Variants in ATP2B2 observed in about 807,000 individuals in gnomAD.
The protein encoded by ATP2B2 is ATPase plasma membrane Ca2+ transporting 2.
In ATP2B2, 15 loss-of-function variants were observed where a neutral mutation model predicts 120.0. The ratio of observed to expected loss-of-function variants is 0.12; its 90% confidence interval spans 0.08 to 0.19. ATP2B2 has a LOEUF of 0.19. Ranked by LOEUF, ATP2B2 falls within the 10% of genes least tolerant of loss-of-function variation. The pLI is 1.00. For synonymous variants in ATP2B2, 694 were observed against 700.3 expected (o/e 0.99, Z 0.14); for missense variants, 1,045 against 1,719.8 (o/e 0.61, Z 6.94).
At chr3:10,409,580 T>G (rs1344933625) in intron 3 of ATP2B2, among the ~76,000 whole-genome samples, 1 of 152,160 alleles carries the variant, frequency 6.6e-6, no homozygotes, top group Admixed American at 6.5e-5. Context: ...ATGTATCTCT[T>G]GTGTCTTTAA....
intron 1 of ATP2B2, among the ~76,000 whole-genome samples, chr3:10,633,379 C>T (rs1245537949): frequency 1.3e-4 from 20 of 152,186 alleles, no homozygotes. Flanking sequence ...GGATTTGCCG[C>T]TCCTTCCCAG....
intron 1 of ATP2B2, among the ~76,000 whole-genome samples, chr3:10,637,734 GA>G (rs2070063070): frequency 6.6e-6 from 1 of 152,102 alleles, no homozygotes; most frequent in Admixed American, 6.5e-5. Flanking sequence ...AAACATTTGA[GA>G]AATAATGGCT....
At chr3:10,362,163 C>T (rs1035979477) in intron 12 of ATP2B2, among the ~76,000 whole-genome samples, 3 of 152,174 alleles carry the variant, frequency 2.0e-5, no homozygotes, top group Non-Finnish European at 2.9e-5. Flanking sequence ...CCTGTGTCCC[C>T]CTGAAGTACC....
intron 1 of ATP2B2, among the ~76,000 whole-genome samples, chr3:10,630,065 C>T (rs1420814984): frequency 2.0e-5 from 3 of 152,238 alleles, no homozygotes; most frequent in Non-Finnish European, 4.4e-5. Flanking sequence ...TGCTCTTCGC[C>T]TGCTGATTTG....
chr3:10,642,100 A>G (rs936152268), intron 1 of ATP2B2, among the ~76,000 whole-genome samples: 4 of 152,102 alleles, frequency 2.6e-5, no homozygotes, highest in Admixed American at 1.3e-4. Context: ...ATACTGTTGT[A>G]GTTAAGAGCA....
intron 2 of ATP2B2, among the ~76,000 whole-genome samples, chr3:10,429,553 T>C (rs976311740): frequency 2.0e-5 from 3 of 152,240 alleles, no homozygotes; most frequent in Non-Finnish European, 4.4e-5. Context: ...TCAGTCAATG[T>C]TGCATGCATT....
intron 2 of ATP2B2, among the ~76,000 whole-genome samples, chr3:10,603,210 A>G (rs1045822362): frequency 2.0e-5 from 3 of 152,214 alleles, no homozygotes; most frequent in Admixed American, 6.5e-5. Flanking sequence ...GTAAGAAAAT[A>G]ATGACTTCAT....
At chr3:10,487,275 C>A (rs995802892) in intron 1 of ATP2B2, among the ~76,000 whole-genome samples, 1 of 151,994 alleles carries the variant, frequency 6.6e-6, no homozygotes, top group Non-Finnish European at 1.5e-5. Flanking sequence ...TACAGAGAGA[C>A]ACACACACAC....
intron 1 of ATP2B2, among the ~76,000 whole-genome samples, chr3:10,495,694 C>T (rs963646086): frequency 7.2e-5 from 11 of 152,188 alleles, no homozygotes; most frequent in Admixed American, 6.5e-4. Context: ...CCCTGGGTCC[C>T]AGTGCCAGGT....
intron 2 of ATP2B2, among the ~76,000 whole-genome samples, chr3:10,572,731 A>G (rs974698131): frequency 6.6e-6 from 1 of 152,172 alleles, no homozygotes; most frequent in African/African-American, 2.4e-5. Flanking sequence ...ATTCATATTA[A>G]TGGGTTGAAG....
At chr3:10,517,379 C>T (rs1401682153) in intron 3 of ATP2B2, among the ~76,000 whole-genome samples, 4 of 152,182 alleles carry the variant, frequency 2.6e-5, no homozygotes, top group African/African-American at 7.2e-5. Flanking sequence ...GGGTCCTGGT[C>T]CCAGGGATGC....
At chr3:10,603,633 G>T (rs2068983716) in intron 2 of ATP2B2, among the ~76,000 whole-genome samples, 1 of 152,056 alleles carries the variant, frequency 6.6e-6, no homozygotes, top group Non-Finnish European at 1.5e-5. Context: ...TACTGATGTG[G>T]TTACTGTGGG....
rs1464738481 is a variant in ATP2B2, at chr3:10,327,768, A to C, written c.*1046T>G. The C allele has an allele frequency of 6.6e-6, 1 of 152,646 alleles. No homozygotes were observed. Among genetic ancestry groups the C allele is most frequent in the Non-Finnish European group, 1.5e-5 (1 of 68,048 alleles). The allele number at this position is 152,646 out of a possible 1,614,324, so 9.5% of individuals were successfully genotyped here. ...CTTCTCTCCTCCTCTCCCTTCGTCT[A>C]CGGAGCATGTTGTTAAACCCCTCAG... On this transcript the variant is annotated 3_prime_UTR_variant, in exon 23 of 23. Transcript: ENST00000360273.
At chr3:10,569,414 G>A (rs892364921) in intron 2 of ATP2B2, among the ~76,000 whole-genome samples, 1 of 152,202 alleles carries the variant, frequency 6.6e-6, no homozygotes, top group Non-Finnish European at 1.5e-5. Context: ...GGAAGTGCTA[G>A]AAATAGGATT....
At chr3:10,671,556 T>C (rs890832632) in intron 1 of ATP2B2, among the ~76,000 whole-genome samples, 4 of 152,098 alleles carry the variant, frequency 2.6e-5, no homozygotes, top group Non-Finnish European at 4.4e-5. Flanking sequence ...TGAGAGTCTT[T>C]ATTTATGGAA....
chr3:10,417,066 C>CGGGGG (rs201363749), intron 2 of ATP2B2, among the ~76,000 whole-genome samples: 14 of 38,094 alleles, frequency 3.7e-4, no homozygotes, highest in African/African-American at 3.0e-3. Flanking sequence ...TCCCAGACGG[C>CGGGGG]GGCGGGGGGG....
chr3:10,622,672 C>T (rs763230582), intron 1 of ATP2B2, among the ~76,000 whole-genome samples: 14 of 152,194 alleles, frequency 9.2e-5, no homozygotes, highest in Non-Finnish European at 1.9e-4. Flanking sequence ...CCGCACTTCT[C>T]ACCCTGGATC....
At chr3:10,643,012 C>G (rs1446732061) in intron 1 of ATP2B2, among the ~76,000 whole-genome samples, 1 of 152,092 alleles carries the variant, frequency 6.6e-6, no homozygotes, top group Non-Finnish European at 1.5e-5. Flanking sequence ...CAGGATGAGC[C>G]AGGAACATCT....
At chr3:10,591,760 G>A (rs1039986761) in intron 2 of ATP2B2, among the ~76,000 whole-genome samples, 1 of 152,166 alleles carries the variant, frequency 6.6e-6, no homozygotes, top group African/African-American at 2.4e-5. Flanking sequence ...CACCAAATTG[G>A]TCCGATCCCA....
Sources: gnomAD v4.1 joint callset for allele counts (sites outside exome capture counted in the v4.1 genomes callset) on GRCh38, gnomAD v4.1.1 for gene constraint, MANE v1.5 for transcripts, NCBI Gene and HGNC (gene_info 2026-07-23, HGNC 2026-07-21) for gene names.